Variants in ESRRG observed in about 807,000 individuals in gnomAD.
ESRRG encodes the protein estrogen-related receptor gamma.
ESRRG carries 13 observed loss-of-function variants against 44.0 expected under a neutral mutation model. The observed-to-expected ratio is 0.30, with a 90% CI of 0.19 to 0.47. The LOEUF (loss-of-function observed/expected upper bound fraction) is 0.47. ESRRG is among the 20% of genes least tolerant of loss of function. The pLI, the probability that ESRRG is intolerant of heterozygous loss-of-function variation, is 1.00. For missense variants in ESRRG, 395 were observed against 580.6 expected (o/e 0.68, Z 3.29); for synonymous variants, 215 against 214.6 (o/e 1.00, Z -0.02).
chr1:216,890,726 A>C (rs1471262673), intron 2 of ESRRG, among the ~76,000 whole-genome samples: 1 of 152,250 alleles, frequency 6.6e-6, no homozygotes, highest in African/African-American at 2.4e-5. Context: ...AACCTGGGAC[A>C]CATGACCTGT....
Position 216,581,367 on chromosome 1 carries a change from C to T in ESRRG, c.590-13269G>A, listed in dbSNP as rs114548271. Among the ~76,000 whole-genome samples the T allele has an allele frequency of 3.8e-3, 577 of 152,274 alleles. 4 individuals carry two copies. Among genetic ancestry groups the T allele is most frequent in the African/African-American group, 0.012 (478 of 41,556 alleles). ...ACATGCATACTTGTACATATATCCACACACAGGGGTACATACATAGAGATA... is the reference window on the plus strand; with the variant it reads ...ACATGCATACTTGTACATATATCCATACACAGGGGTACATACATAGAGATA... On this transcript the variant is annotated intron_variant, in intron 3 of 6. Coordinates refer to ENST00000408911, the MANE Select transcript of ESRRG (RefSeq NM_001438.4).
chr1:216,704,097 C>A (rs2081988113), intron 1 of ESRRG, among the ~76,000 whole-genome samples: 1 of 152,142 alleles, frequency 6.6e-6, no homozygotes, highest in Non-Finnish European at 1.5e-5. Context: ...GTTCCGTTCC[C>A]CATATAGACC....
At position 217,077,361 on chromosome 1, in the gene ESRRG, T is replaced by C. The variant is rs11572394; in HGVS notation, c.-106+12146A>G. Among the ~76,000 whole-genome samples the C allele has an allele frequency of 2.1e-4, 32 of 152,316 alleles. No individual in the cohort carries two copies. In the East Asian group the frequency reaches 6.2e-3, roughly 29 times the overall value. ...ATGGGCTTTTATTGGTTGGAGTTAA[T>C]TGGAGTTATGAAAGTGGACAAGCCG... On this transcript the variant is annotated intron_variant, in intron 1 of 7. Transcript: ENST00000359162.
intron 2 of ESRRG, among the ~76,000 whole-genome samples, chr1:216,885,555 T>C (rs1404009072): frequency 6.6e-6 from 1 of 152,154 alleles, no homozygotes; most frequent in Non-Finnish European, 1.5e-5. Context: ...ACTATTTTTT[T>C]TTTAATAGTC....
intron 3 of ESRRG, among the ~76,000 whole-genome samples, chr1:216,623,498 C>T (rs1205671940): frequency 2.0e-5 from 3 of 152,068 alleles, no homozygotes; most frequent in Non-Finnish European, 2.9e-5. Flanking sequence ...ATTCCCTGCC[C>T]CTGTTCTTCT....
At chr1:217,108,944 G>C (rs895550143) in intron 1 of ESRRG, among the ~76,000 whole-genome samples, 1 of 152,130 alleles carries the variant, frequency 6.6e-6, no homozygotes, top group African/African-American at 2.4e-5. Flanking sequence ...AGCTGCACCA[G>C]AGAGAAATAA....
intron 5 of ESRRG, among the ~76,000 whole-genome samples, chr1:216,520,975 G>A (rs2045920350): frequency 6.6e-6 from 1 of 152,138 alleles, no homozygotes; most frequent in African/African-American, 2.4e-5. Context: ...GTGAAAAACA[G>A]TGGTTTGCCA....
At chr1:217,115,934 A>G (rs951786646) in intron 1 of ESRRG, among the ~76,000 whole-genome samples, 3 of 152,182 alleles carry the variant, frequency 2.0e-5, no homozygotes, top group African/African-American at 7.2e-5. Context: ...TGCTCAATAT[A>G]AAGTTGATAA....
intron 6 of ESRRG, among the ~76,000 whole-genome samples, chr1:216,511,865 GC>G (rs11300817): frequency 0.05 from 7,534 of 152,188 alleles, 560 homozygotes; most frequent in African/African-American, 0.16. Context: ...GATTATAATT[GC>G]AACTGATTGA....
chr1:216,616,652 C>A (rs998978369), intron 3 of ESRRG, among the ~76,000 whole-genome samples: 13 of 152,062 alleles, frequency 8.5e-5, no homozygotes, highest in African/African-American at 2.9e-4. Flanking sequence ...CTGTAAAGGC[C>A]TTTGCTGATT....
chr1:216,519,109 C>A (rs771194143), intron 6 of ESRRG, 43 bp downstream of exon 6: 1 of 1,576,144 alleles, frequency 6.3e-7, no homozygotes, highest in South Asian at 1.1e-5. Context: ...GTAAAACTGA[C>A]ATATTAAAAA....
chr1:216,956,414 A>G (rs544837338), intron 1 of ESRRG, among the ~76,000 whole-genome samples: 13 of 152,228 alleles, frequency 8.5e-5, no homozygotes, highest in Admixed American at 7.2e-4. Flanking sequence ...TCAATTGCCT[A>G]TAAATATGTG....
At chr1:216,616,025 A>C (rs2061387392) in intron 3 of ESRRG, among the ~76,000 whole-genome samples, 1 of 152,148 alleles carries the variant, frequency 6.6e-6, no homozygotes, top group Non-Finnish European at 1.5e-5. Flanking sequence ...CCTCAGCCTG[A>C]TCACATTGTG....
intron 2 of ESRRG, among the ~76,000 whole-genome samples, chr1:216,668,123 T>C (rs1188323742): frequency 6.6e-6 from 1 of 152,072 alleles, no homozygotes; most frequent in African/African-American, 2.4e-5. Context: ...AATAAATAAA[T>C]ATTTAATATC....
At chr1:216,974,950 A>AT (rs558666771) in intron 1 of ESRRG, among the ~76,000 whole-genome samples, 11 of 151,698 alleles carry the variant, frequency 7.3e-5, no homozygotes, top group South Asian at 2.1e-4. Flanking sequence ...ATTTATAAAT[A>AT]TTTTTTCCCA....
intron 1 of ESRRG, among the ~76,000 whole-genome samples, chr1:217,007,748 T>C (rs983606706): frequency 1.9e-4 from 29 of 152,270 alleles, no homozygotes; most frequent in African/African-American, 7.0e-4. Context: ...CTCCCTTCCC[T>C]CTTTTCTTCT....
chr1:217,002,831 C>T (rs534061639), intron 1 of ESRRG, among the ~76,000 whole-genome samples: 7 of 152,260 alleles, frequency 4.6e-5, no homozygotes, highest in African/African-American at 1.7e-4. Flanking sequence ...TTGACTGCAG[C>T]TCCAGCCAAC....
intron 3 of ESRRG, among the ~76,000 whole-genome samples, chr1:216,576,486 A>G (rs1049995740): frequency 1.3e-5 from 2 of 152,040 alleles, no homozygotes; most frequent in African/African-American, 4.8e-5. Flanking sequence ...GGACTATTAA[A>G]CATGTGAGGC....
intron 1 of ESRRG, among the ~76,000 whole-genome samples, chr1:217,085,351 G>A (rs906376329): frequency 1.3e-5 from 2 of 151,944 alleles, no homozygotes; most frequent in Non-Finnish European, 1.5e-5. Flanking sequence ...AGGCCCCGTG[G>A]GGCTCTGGCT....
Sources: gnomAD v4.1 joint callset for allele counts (sites outside exome capture counted in the v4.1 genomes callset) on GRCh38, gnomAD v4.1.1 for gene constraint, MANE v1.5 for transcripts, NCBI Gene and HGNC (gene_info 2026-07-23, HGNC 2026-07-21) for gene names.